The following SGCZ variants were observed in gnomAD, a reference collection of about 807,000 sequenced individuals.
SGCZ encodes the protein zeta-sarcoglycan.
A neutral mutation model predicts 41.3 loss-of-function variants in SGCZ; 40 were observed. The ratio of observed to expected loss-of-function variants is 0.97; its 90% CI spans 0.75 to 1.26. The LOEUF is 1.26. SGCZ is among the 50% of genes most tolerant of loss of function. The probability of loss-of-function intolerance (pLI) is 0.00; values close to 1 mark genes in which losing one functional copy is unlikely to be tolerated. For synonymous variants in SGCZ, 206 were observed against 137.5 expected, an observed-to-expected ratio of 1.50 and a Z score of -3.49; for missense variants, 552 against 369.8, an observed-to-expected ratio of 1.49 and a Z score of -4.04.
intron 1 of SGCZ, among the ~76,000 whole-genome samples, chr8:15,108,808 C>T (rs966295957): frequency 2.6e-5 from 4 of 152,020 alleles, no homozygotes; most frequent in Non-Finnish European, 4.4e-5. Context: ...GGTGTGTGCT[C>T]GCTAAATAAA....
intron 1 of SGCZ, among the ~76,000 whole-genome samples, chr8:14,564,988 C>G (rs1375088305): frequency 3.3e-5 from 5 of 151,716 alleles, no homozygotes; most frequent in African/African-American, 1.2e-4. Flanking sequence ...ATGGAAAATG[C>G]TGTAGTCAGG....
intron 2 of SGCZ, among the ~76,000 whole-genome samples, chr8:14,460,309 C>T (rs1347516374): frequency 6.6e-6 from 1 of 152,108 alleles, no homozygotes; most frequent in Non-Finnish European, 1.5e-5. Context: ...GTTATTCATC[C>T]ATGATTGAAA....
At chr8:15,167,479 G>T (rs560640515) in intron 1 of SGCZ, among the ~76,000 whole-genome samples, 1 of 152,324 alleles carries the variant, frequency 6.6e-6, no homozygotes, top group Admixed American at 6.5e-5. Context: ...TCAGGTGTTT[G>T]AGGATGCAAA....
intron 1 of SGCZ, among the ~76,000 whole-genome samples, chr8:14,569,063 G>A (rs1010632674): frequency 2.0e-5 from 3 of 152,108 alleles, no homozygotes; most frequent in Non-Finnish European, 4.4e-5. Context: ...AAGCTTTCGA[G>A]TCAATATTAT....
intron 2 of SGCZ, among the ~76,000 whole-genome samples, chr8:14,474,358 T>C (rs1274730892): frequency 6.6e-6 from 1 of 152,210 alleles, no homozygotes. Flanking sequence ...GCATTTTGGG[T>C]CTATAGACTT....
intron 1 of SGCZ, among the ~76,000 whole-genome samples, chr8:14,891,873 A>G (rs1407442549): frequency 8.5e-5 from 13 of 152,230 alleles, no homozygotes; most frequent in Non-Finnish European, 2.9e-5. Context: ...CAAAAATATT[A>G]CAGCTCACTG....
intron 2 of SGCZ, among the ~76,000 whole-genome samples, chr8:14,440,695 A>T (rs1255882081): frequency 1.8e-5 from 1 of 56,436 alleles, no homozygotes; most frequent in Non-Finnish European, 4.3e-5. Context: ...ATACACGTAT[A>T]TGTATATATG....
At chr8:14,424,787 G>A (rs1005854544) in intron 2 of SGCZ, among the ~76,000 whole-genome samples, 11 of 152,094 alleles carry the variant, frequency 7.2e-5, no homozygotes, top group African/African-American at 2.4e-4. Context: ...CTTTTCAAAT[G>A]TTTGCTAACT....
chr8:14,723,563 T>G (rs1409032086), intron 1 of SGCZ, among the ~76,000 whole-genome samples: 1 of 152,062 alleles, frequency 6.6e-6, no homozygotes, highest in East Asian at 1.9e-4. Flanking sequence ...AGGGCACCCC[T>G]CTCCCATTGA....
At chr8:14,543,696 G>C (rs551301545) in intron 2 of SGCZ, among the ~76,000 whole-genome samples, 1 of 152,144 alleles carries the variant, frequency 6.6e-6, no homozygotes, top group East Asian at 1.9e-4. Flanking sequence ...GACTACACTG[G>C]TTATTTAGTA....
chr8:14,205,614 G>C (rs1250115525), intron 4 of SGCZ, among the ~76,000 whole-genome samples: 16 of 152,004 alleles, frequency 1.1e-4, no homozygotes, highest in Admixed American at 1.1e-3. Flanking sequence ...ATCTGACAAA[G>C]CAAACTATAT....
At chr8:14,339,881 AATACT>A (rs757691020) in intron 2 of SGCZ, among the ~76,000 whole-genome samples, 4 of 152,322 alleles carry the variant, frequency 2.6e-5, no homozygotes, top group Admixed American at 2.0e-4. Flanking sequence ...AAAAGAATAG[AATACT>A]ATAAAGAGAG....
intron 3 of SGCZ, among the ~76,000 whole-genome samples, chr8:14,249,517 G>A (rs1799213558): frequency 6.6e-6 from 1 of 152,160 alleles, no homozygotes; most frequent in Non-Finnish European, 1.5e-5. Flanking sequence ...TGAATGCTAA[G>A]CAACAAGGAG....
chr8:14,536,449 G>A (rs1283852476), intron 2 of SGCZ, among the ~76,000 whole-genome samples: 2 of 151,512 alleles, frequency 1.3e-5, no homozygotes, highest in South Asian at 2.1e-4. Flanking sequence ...TTATTTGAAC[G>A]AGATCTACTT....
At chr8:14,195,693 A>G (rs1365665955) in intron 4 of SGCZ, among the ~76,000 whole-genome samples, 1 of 152,194 alleles carries the variant, frequency 6.6e-6, no homozygotes, top group African/African-American at 2.4e-5. Flanking sequence ...AACAAAGATA[A>G]GGAAGGCAGC....
chr8:15,217,859 G>A (rs1801464670), intron 1 of SGCZ, among the ~76,000 whole-genome samples: 1 of 152,136 alleles, frequency 6.6e-6, no homozygotes, highest in Non-Finnish European at 1.5e-5. Context: ...AGGCTGAGTT[G>A]GACGGATCAC....
At chr8:14,677,202 C>T (rs191818577) in intron 1 of SGCZ, among the ~76,000 whole-genome samples, 8 of 152,028 alleles carry the variant, frequency 5.3e-5, no homozygotes, top group African/African-American at 1.9e-4. Flanking sequence ...AACACAGCAT[C>T]ATTTACATTA....
At chr8:14,486,105 T>C (rs948482766) in intron 2 of SGCZ, among the ~76,000 whole-genome samples, 2 of 152,198 alleles carry the variant, frequency 1.3e-5, no homozygotes, top group Admixed American at 6.5e-5. Context: ...TCAAAAAATA[T>C]GTAACTATGT....
chr8:14,765,468 C>A (rs1421198049), intron 1 of SGCZ, among the ~76,000 whole-genome samples: 2 of 152,062 alleles, frequency 1.3e-5, no homozygotes, highest in African/African-American at 4.8e-5. Flanking sequence ...TAATTTAATT[C>A]TATTGCTATG....
Sources: allele counts gnomAD v4.1 joint callset (sites outside exome capture counted in the v4.1 genomes callset), GRCh38; gene constraint gnomAD v4.1.1; transcripts MANE v1.5; gene names NCBI Gene and HGNC (gene_info 2026-07-23, HGNC 2026-07-21).